MARCHF1: variants seen among roughly 807,000 people sequenced by gnomAD.
The protein encoded by MARCHF1 is membrane associated ring-CH-type finger 1.
A neutral mutation model predicts 54.2 loss-of-function variants in MARCHF1; 40 were observed. That is an observed-to-expected ratio of 0.74 (90% CI 0.57 to 0.96). The LOEUF (loss-of-function observed/expected upper bound fraction) is 0.96. Among genes scored for constraint, MARCHF1 ranks in the 40% least tolerant of loss-of-function variants. The probability of loss-of-function intolerance (pLI) is 0.00; values close to 1 mark genes in which losing one functional copy is unlikely to be tolerated. For synonymous variants in MARCHF1, 236 were observed against 236.3 expected, an observed-to-expected ratio of 1.00 and a Z score of 0.01; for missense variants, 586 against 656.5, an observed-to-expected ratio of 0.89 and a Z score of 1.17.
intron 1 of MARCHF1, among the ~76,000 whole-genome samples, chr4:164,375,165 G>A (rs1189832774): frequency 2.0e-5 from 3 of 152,070 alleles, no homozygotes; most frequent in Admixed American, 6.5e-5. Flanking sequence ...ATTCCAGAAT[G>A]AATAATTAAA....
chr4:164,109,912 T>TAAAAAAAAAAGAAAA (rs1755795837), intron 2 of MARCHF1, among the ~76,000 whole-genome samples: 1 of 63,148 alleles, frequency 1.6e-5, no homozygotes, highest in Non-Finnish European at 2.7e-5. Context: ...AAAATAAAAG[T>TAAAAAAAAAAGAAAA]AAAAAAAAAA....
At chr4:163,580,062 A>ATTAAT in intron 8 of MARCHF1, among the ~76,000 whole-genome samples, 1 of 144,276 alleles carries the variant, frequency 6.9e-6, no homozygotes, top group Non-Finnish European at 1.5e-5. Context: ...AGCCTTATTT[A>ATTAAT]TTATTTATTT....
At chr4:163,889,215 C>T (rs994266469) in intron 3 of MARCHF1, among the ~76,000 whole-genome samples, 2 of 152,148 alleles carry the variant, frequency 1.3e-5, no homozygotes, top group Non-Finnish European at 2.9e-5. Context: ...CACTATGCGC[C>T]AGGCACTGTA....
chr4:163,612,148 A>C (rs951865915), intron 7 of MARCHF1, 123 bp downstream of exon 7: 1 of 867,470 alleles, frequency 1.2e-6, no homozygotes, highest in Admixed American at 3.6e-5. Context: ...TTTTATATCC[A>C]ATCAGAAAAA....
At chr4:163,571,563 T>A (rs1009246588) in intron 8 of MARCHF1, among the ~76,000 whole-genome samples, 1 of 152,124 alleles carries the variant, frequency 6.6e-6, no homozygotes, top group African/African-American at 2.4e-5. Flanking sequence ...AAATAATTCA[T>A]TTCCTAGACA....
At chr4:164,072,594 C>T (rs973596596) in intron 2 of MARCHF1, among the ~76,000 whole-genome samples, 1 of 150,692 alleles carries the variant, frequency 6.6e-6, no homozygotes, top group Non-Finnish European at 1.5e-5. Flanking sequence ...AAAATAGAAA[C>T]AGATAAACTT....
chr4:163,975,339 G>T (rs752954084), intron 3 of MARCHF1, among the ~76,000 whole-genome samples: 5 of 152,060 alleles, frequency 3.3e-5, no homozygotes, highest in Admixed American at 6.6e-5. Flanking sequence ...AGAAAGTTTA[G>T]AACACTCTCA....
intron 5 of MARCHF1, among the ~76,000 whole-genome samples, chr4:163,655,541 C>A (rs1743106955): frequency 6.6e-6 from 1 of 151,608 alleles, no homozygotes; most frequent in African/African-American, 2.4e-5. Flanking sequence ...TGAACTCAGC[C>A]CTGGATCAAG....
At chr4:163,705,038 C>G (rs1744910211) in intron 4 of MARCHF1, among the ~76,000 whole-genome samples, 1 of 151,352 alleles carries the variant, frequency 6.6e-6, no homozygotes, top group Non-Finnish European at 1.5e-5. Context: ...CTAGAGGAAA[C>G]ACATTATATT....
chr4:164,218,033 T>C (rs896920859), intron 1 of MARCHF1, among the ~76,000 whole-genome samples: 1 of 152,092 alleles, frequency 6.6e-6, no homozygotes, highest in Non-Finnish European at 1.5e-5. Flanking sequence ...AAGGAGTTTT[T>C]CATTTAAACA....
At chr4:163,961,226 A>C (rs752102066) in intron 3 of MARCHF1, among the ~76,000 whole-genome samples, 9 of 151,926 alleles carry the variant, frequency 5.9e-5, no homozygotes, top group Non-Finnish European at 8.8e-5. Context: ...AATAACTTAA[A>C]CACTCATCTA....
In MARCHF1 at chr4:164,286,731, A is replaced by G. The variant is rs576185868; in HGVS notation, c.-323+97139T>C. On this transcript the variant is annotated intron_variant, in intron 1 of 9. Transcript: ENST00000514618. Reference sequence around the variant, plus strand: ...TTATATATATATTTTATATTTTTATATAATAAATCTATAAGCAGAGAATCA... The same window carrying G: ...TTATATATATATTTTATATTTTTATGTAATAAATCTATAAGCAGAGAATCA... Among the ~76,000 whole-genome samples the G allele has an allele frequency of 3.5e-4, 52 of 149,260 alleles. No homozygotes were observed. The South Asian group carries it at 0.011, about 31-fold the overall frequency.
At chr4:164,355,703 G>A (rs1414435203) in intron 1 of MARCHF1, among the ~76,000 whole-genome samples, 2 of 100,164 alleles carry the variant, frequency 2.0e-5, no homozygotes, top group Non-Finnish European at 2.2e-5. Flanking sequence ...ACATAGGCAT[G>A]GGCAAGGACT....
chr4:163,823,481 C>G (rs1287425973), intron 4 of MARCHF1, among the ~76,000 whole-genome samples: 2 of 151,632 alleles, frequency 1.3e-5, no homozygotes, highest in African/African-American at 4.8e-5. Flanking sequence ...TAATGAAAGA[C>G]AGAAGGTATG....
At chr4:163,798,326 G>C (rs1315683045) in intron 4 of MARCHF1, among the ~76,000 whole-genome samples, 7 of 152,146 alleles carry the variant, frequency 4.6e-5, no homozygotes. Context: ...AACTGTGCTG[G>C]AACCCTGATT....
intron 4 of MARCHF1, among the ~76,000 whole-genome samples, chr4:163,775,498 C>T (rs1258513715): frequency 6.6e-6 from 1 of 152,050 alleles, no homozygotes; most frequent in African/African-American, 2.4e-5. Flanking sequence ...GAATTCTTAA[C>T]ATTTTTATAC....
At chr4:163,663,164 T>TA (rs1423814605) in intron 5 of MARCHF1, among the ~76,000 whole-genome samples, 2 of 152,120 alleles carry the variant, frequency 1.3e-5, no homozygotes, top group East Asian at 3.9e-4. Context: ...TCTGTGTGGA[T>TA]AGTTGGATAT....
At chr4:163,925,591 C>G (rs925300822) in intron 3 of MARCHF1, among the ~76,000 whole-genome samples, 1 of 151,758 alleles carries the variant, frequency 6.6e-6, no homozygotes, top group African/African-American at 2.4e-5. Flanking sequence ...AAAATCCTCA[C>G]GTGTTACCAG....
intron 1 of MARCHF1, among the ~76,000 whole-genome samples, chr4:164,375,621 C>G (rs1167307170): frequency 1.3e-5 from 2 of 152,000 alleles, no homozygotes; most frequent in Non-Finnish European, 2.9e-5. Flanking sequence ...TTCTTTTTTG[C>G]AAATAGATGG....
Sources: gnomAD v4.1 joint callset for allele counts (sites outside exome capture counted in the v4.1 genomes callset) on GRCh38, gnomAD v4.1.1 for gene constraint, MANE v1.5 for transcripts, NCBI Gene and HGNC (gene_info 2026-07-23, HGNC 2026-07-21) for gene names.